TLK2: variants seen among roughly 807,000 people sequenced by gnomAD.
TLK2 encodes tousled like kinase 2.
A neutral mutation model predicts 117.3 loss-of-function variants in TLK2; 6 were observed. The observed-to-expected ratio is 0.05, with a 90% CI of 0.03 to 0.10. TLK2 has a LOEUF of 0.10. Among genes scored for constraint, TLK2 ranks in the 10% least tolerant of loss-of-function variants. The probability of loss-of-function intolerance (pLI) is 1.00; values close to 1 mark genes in which losing one functional copy is unlikely to be tolerated. For missense variants in TLK2, 299 were observed against 901.2 expected, an observed-to-expected ratio of 0.33 and a Z score of 8.56; for synonymous variants, 257 against 316.7, an observed-to-expected ratio of 0.81 and a Z score of 2.00.
intron 2 of TLK2, among the ~76,000 whole-genome samples, chr17:62,512,895 A>G (rs12952291): frequency 1.4e-5 from 2 of 147,414 alleles, no homozygotes; most frequent in Admixed American, 1.4e-4. Flanking sequence ...TATTATTATT[A>G]GAGACGAAGT....
At chr17:62,495,442 T>G (rs1567789072) in intron 2 of TLK2, among the ~76,000 whole-genome samples, 1 of 151,360 alleles carries the variant, frequency 6.6e-6, no homozygotes, top group African/African-American at 2.4e-5. Flanking sequence ...TTAGATAGGG[T>G]CTCACTCTGT....
intron 2 of TLK2, chr17:62,516,361 C>G (rs2075590082): frequency 5.2e-6 from 8 of 1,548,186 alleles, no homozygotes; most frequent in Non-Finnish European, 6.1e-6. Context: ...AAATCCGCCT[C>G]TAAACTAGAA....
chr17:62,602,001 C>T, intron 18 of TLK2, 41 bp from the exon 19 acceptor site: 1 of 1,577,628 alleles, frequency 6.3e-7, no homozygotes, highest in Non-Finnish European at 8.6e-7. Context: ...TCTCTTAAAT[C>T]AGTAAGTCTC....
chr17:62,498,985 C>T (rs961750575), intron 2 of TLK2, among the ~76,000 whole-genome samples: 1 of 152,064 alleles, frequency 6.6e-6, no homozygotes, highest in African/African-American at 2.4e-5. Context: ...ACCTCAGCCT[C>T]CCTGAGTAGC....
intron 17 of TLK2, chr17:62,597,113 G>T: frequency 6.4e-6 from 1 of 155,410 alleles, no homozygotes; most frequent in Admixed American, 6.4e-5. Flanking sequence ...GGCAATTTTA[G>T]AATTTTTTCA....
chr17:62,586,752 C>T (rs1435950127), intron 16 of TLK2, among the ~76,000 whole-genome samples: 5 of 151,238 alleles, frequency 3.3e-5, no homozygotes, highest in Non-Finnish European at 7.4e-5. Context: ...ACTCGGGAGG[C>T]AGAGCTTGCA....
intron 6 of TLK2, among the ~76,000 whole-genome samples, chr17:62,526,511 T>G (rs1429000043): frequency 6.6e-6 from 1 of 152,208 alleles, no homozygotes; most frequent in Non-Finnish European, 1.5e-5. Context: ...CATCTGCCTT[T>G]GAGATGAATG....
At chr17:62,475,942 G>A (rs977262190), upstream of TLK2, among the ~76,000 whole-genome samples, 2 of 151,804 alleles carry the variant, frequency 1.3e-5, no homozygotes, top group Non-Finnish European at 2.9e-5. Context: ...TTACAGGCGT[G>A]AGCCACCGCT....
At chr17:62,482,724 T>A (rs2071830870) in intron 2 of TLK2, among the ~76,000 whole-genome samples, 1 of 152,164 alleles carries the variant, frequency 6.6e-6, no homozygotes, top group African/African-American at 2.4e-5. Flanking sequence ...AGTGCTAGGA[T>A]TACAGGCATG....
intron 2 of TLK2, among the ~76,000 whole-genome samples, chr17:62,507,784 TC>T (rs1482195290): frequency 6.6e-6 from 1 of 152,256 alleles, no homozygotes; most frequent in Non-Finnish European, 1.5e-5. Flanking sequence ...AACATTTGCA[TC>T]TTAACCTCAG....
At chr17:62,587,972 C>T (rs865858199) in intron 16 of TLK2, among the ~76,000 whole-genome samples, 10 of 149,858 alleles carry the variant, frequency 6.7e-5, no homozygotes, top group Non-Finnish European at 1.5e-4. Context: ...ATAAAATATA[C>T]GTATACATCT....
chr17:62,604,029 A>C (rs1204213727), intron 19 of TLK2, among the ~76,000 whole-genome samples: 3 of 149,674 alleles, frequency 2.0e-5, no homozygotes, highest in Admixed American at 6.7e-5. Context: ...TTTGAGACGG[A>C]GTTTCGCTCT....
At chr17:62,557,118 T>G (rs569900836) in intron 9 of TLK2, among the ~76,000 whole-genome samples, 1 of 152,094 alleles carries the variant, frequency 6.6e-6, no homozygotes, top group African/African-American at 2.4e-5. Flanking sequence ...AGGAACAGGG[T>G]CTCATTATGT....
chr17:62,566,555 C>T (rs139711943), intron 11 of TLK2, among the ~76,000 whole-genome samples: 434 of 152,284 alleles, frequency 2.8e-3, no homozygotes, highest in Admixed American at 5.0e-3. Context: ...ACAGACTTTT[C>T]TTAGGCCGGC....
At chr17:62,488,820 ATTTTTT>A (rs36026309) in intron 2 of TLK2, among the ~76,000 whole-genome samples, 3 of 99,774 alleles carry the variant, frequency 3.0e-5, no homozygotes, top group Non-Finnish European at 5.8e-5. Context: ...GGCCTTGAAG[ATTTTTT>A]TTTTTTTTTT....
chr17:62,495,077 G>A (rs2073509442), intron 2 of TLK2, among the ~76,000 whole-genome samples: 2 of 152,172 alleles, frequency 1.3e-5, no homozygotes, highest in African/African-American at 4.8e-5. Context: ...TGAGGCAGGA[G>A]GATCACTTGA....
intron 18 of TLK2, among the ~76,000 whole-genome samples, chr17:62,601,250 A>G (rs979003651): frequency 6.6e-6 from 1 of 152,094 alleles, no homozygotes; most frequent in Admixed American, 6.6e-5. Flanking sequence ...ATCTTTTTGT[A>G]TGGTTATTAT....
chr17:62,560,219 T>C, intron 10 of TLK2, 93 bp downstream of exon 10: 1 of 920,102 alleles, frequency 1.1e-6, no homozygotes, highest in Non-Finnish European at 1.5e-6. Context: ...GATGAAAATA[T>C]TTAAAAGTAG....
Position 62,563,023 on chromosome 17 carries a change from C to A in TLK2, c.832-1978C>A, listed in dbSNP as rs190239807. On this transcript the variant is annotated intron_variant, in intron 10 of 21. Coordinates refer to ENST00000346027, the MANE Select transcript of TLK2 (RefSeq NM_006852.6). ...TGAGAATATTCATGGGAATTTTATTCATAGCCAAAAAGTGGAAACATCCTA... is the reference window on the plus strand; with the variant it reads ...TGAGAATATTCATGGGAATTTTATTAATAGCCAAAAAGTGGAAACATCCTA... Among the ~76,000 whole-genome samples, 387 of 152,204 alleles carry A rather than the reference C, an allele frequency of 2.5e-3. 2 individuals are homozygous for A. The highest frequency in any genetic ancestry group is 8.0e-3 in the African/African-American group (332 of 41,532).
Sources: gnomAD v4.1 joint callset for allele counts (sites outside exome capture counted in the v4.1 genomes callset) on GRCh38, gnomAD v4.1.1 for gene constraint, MANE v1.5 for transcripts, NCBI Gene and HGNC (gene_info 2026-07-23, HGNC 2026-07-21) for gene names.